NCLN: variants seen among roughly 807,000 people sequenced by gnomAD.
The protein encoded by NCLN is nicalin, also known as BOS complex subunit NCLN.
A neutral mutation model predicts 69.5 loss-of-function variants in NCLN; 34 were observed. The observed-to-expected ratio is 0.49, with a 90% CI of 0.37 to 0.65. The LOEUF is 0.65. Among genes scored for constraint, NCLN ranks in the 30% least tolerant of loss-of-function variants. The probability of loss-of-function intolerance (pLI) is 0.00; values close to 1 mark genes in which losing one functional copy is unlikely to be tolerated. For synonymous variants in NCLN, 393 were observed against 358.3 expected, an observed-to-expected ratio of 1.10 and a Z score of -1.09; for missense variants, 710 against 804.8, an observed-to-expected ratio of 0.88 and a Z score of 1.42.
At chr19:3,195,737 G>A (rs1915938139) in intron 3 of NCLN, among the ~76,000 whole-genome samples, 1 of 152,100 alleles carries the variant, frequency 6.6e-6, no homozygotes, top group Non-Finnish European at 1.5e-5. Context: ...GCTGCAGTGA[G>A]CCATGTTTGC....
intron 1 of NCLN, among the ~76,000 whole-genome samples, chr19:3,190,415 G>C (rs754256617): frequency 6.6e-6 from 1 of 151,962 alleles, no homozygotes. Context: ...CCTGTGTCCC[G>C]CCTGTCCCCC....
At position 3,198,915 on chromosome 19, in the gene NCLN, C is replaced by T. The variant is rs752557885; in HGVS notation, c.696+18C>T. 2.8e-6 allele frequency: 4 copies of T among 1,432,864 alleles called. No individual in the cohort carries two copies. Among genetic ancestry groups the T allele is most frequent in the South Asian group, 1.5e-5 (1 of 67,754 alleles). 88.8% of individuals were successfully genotyped at this position (1,432,864 alleles called of 1,614,324 possible). ...TGGCCCCCGTACGTATGTGTGTCCC[C>T]ATTCCCCCCACCCCACAGGGCTTGG... On this transcript the variant is annotated intron_variant, in intron 5 of 14. Transcript: ENST00000246117.
At chr19:3,201,502 T>A (rs1432552958) in intron 5 of NCLN, 21 bp from the exon 6 acceptor site, 2 of 1,532,524 alleles carry the variant, frequency 1.3e-6, no homozygotes, top group Non-Finnish European at 1.8e-6. Context: ...GACTGTGGCC[T>A]TGCCTCTCCC....
At chr19:3,193,811 G>A (rs988522167) in intron 3 of NCLN, among the ~76,000 whole-genome samples, 4 of 151,934 alleles carry the variant, frequency 2.6e-5, no homozygotes, top group Non-Finnish European at 5.9e-5. Flanking sequence ...GGCGGCGTGG[G>A]TGCGTCGGCG....
rs57510640 is a variant in NCLN, at chr19:3,207,643, C to G, written c.1647C>G (p.Leu549=). The change falls in exon 15 of 15, where the codon CTC becomes CTG. Residue 549 remains leucine, a synonymous_variant. Coordinates refer to ENST00000246117, the MANE Select transcript of NCLN (RefSeq NM_020170.4). The stretch of plus-strand genomic sequence containing the variant: ...TGTGTCCCCAGCACTTCAGCCTCCT[C>G]TACAAGACCGTCCAGAGGCTGCTCG... ...AYVAVQHFSL[L]YKTVQRLLVK... The G allele has an allele frequency of 1.2e-6, 2 of 1,612,900 alleles. No individual in the cohort carries two copies. Among genetic ancestry groups the G allele is most frequent in the Non-Finnish European group, 1.7e-6 (2 of 1,179,916 alleles).
rs914245910 is a variant in NCLN at position 3,209,543 on chromosome 19, A to C, written c.*1855A>C. 3 of 152,278 alleles carry C rather than the reference A, an allele frequency of 2.0e-5. No homozygotes were observed. Among genetic ancestry groups the C allele is most frequent in the African/African-American group, 7.2e-5 (3 of 41,448 alleles). 9.4% of individuals were successfully genotyped at this position (152,278 alleles called of 1,614,324 possible). A position where few individuals can be genotyped will look rare whatever the true frequency, so the allele number is the denominator to read the frequency against. On this transcript the variant is annotated 3_prime_UTR_variant, in exon 15 of 15. Coordinates refer to ENST00000246117, the MANE Select transcript of NCLN (RefSeq NM_020170.4). ...GGCTGGTGTGGGATGCAGCCGGCCG[A>C]TGAGAAAATAAAGCCATATTGAATG...
Position 3,208,214 on chromosome 19 carries a change from C to CCTGGGGTT in NCLN, c.*532_*539dup, listed in dbSNP as rs563504149. On this transcript the variant is annotated 3_prime_UTR_variant, in exon 15 of 15. Transcript: ENST00000246117. The stretch of plus-strand genomic sequence containing the variant: ...TTGCCTGGAGGAGGGCAGTGCCAGC[C>CCTGGGGTT]CTGGGGTTCTGGGATTCCAGCCCTC... 87 of 153,360 alleles carry CCTGGGGTT rather than the reference C, an allele frequency of 5.7e-4. No homozygotes were observed. The highest frequency in any genetic ancestry group is 1.0e-3 in the South Asian group (5 of 4,888). The allele number at this position is 153,360 out of a possible 1,614,324, so 9.5% of individuals were successfully genotyped here.
intron 6 of NCLN, among the ~76,000 whole-genome samples, chr19:3,202,241 G>C (rs1257230148): frequency 2.0e-5 from 3 of 152,176 alleles, no homozygotes; most frequent in Non-Finnish European, 4.4e-5. Context: ...TGAATCCCAG[G>C]AGCTGGGGTC....
chr19:3,186,302 C>T (rs973296540), intron 1 of NCLN, 88 bp downstream of exon 1: 5 of 1,322,698 alleles, frequency 3.8e-6, no homozygotes, highest in Admixed American at 7.6e-5. Flanking sequence ...ATCCCTAGCT[C>T]CGGCCTGGGC....
chr19:3,188,826 A>G (rs931569381), intron 1 of NCLN, among the ~76,000 whole-genome samples: 1 of 152,186 alleles, frequency 6.6e-6, no homozygotes, highest in Admixed American at 6.5e-5. Context: ...AGCACAGTCC[A>G]GCTCTCGCAG....
chr19:3,201,669 C>T (rs1275190623), intron 6 of NCLN, 43 bp downstream of exon 6: 24 of 1,359,064 alleles, frequency 1.8e-5, no homozygotes, highest in Non-Finnish European at 2.4e-5. Flanking sequence ...GCGGGGGCCA[C>T]ACTGCCGGAC....
At chr19:3,200,791 C>T (rs558478416) in intron 5 of NCLN, among the ~76,000 whole-genome samples, 2 of 152,158 alleles carry the variant, frequency 1.3e-5, no homozygotes, top group Admixed American at 6.5e-5. Flanking sequence ...CCCAGAACCC[C>T]AGCATGTGCG....
intron 9 of NCLN, 45 bp downstream of exon 9, chr19:3,204,796 G>A: frequency 7.2e-7 from 1 of 1,391,006 alleles, no homozygotes; most frequent in Non-Finnish European, 9.3e-7. Flanking sequence ...GGCTTTCCTG[G>A]GGGCTGAGCC....
intron 5 of NCLN, among the ~76,000 whole-genome samples, chr19:3,200,430 C>G (rs1435778354): frequency 2.7e-5 from 4 of 150,726 alleles, no homozygotes. Context: ...CCTGCCTCAA[C>G]CTCCGGAGTA....
In NCLN at chr19:3,192,497, A is replaced by G; in HGVS notation, c.212A>G (p.Glu71Gly). ...ACACGGAATGCAGTGCTGAACACGG[A>G]GGCGCGCACGATGGCGGCGGAGGTG... ...YGTRNAVLNT[E>G]ARTMAAEVLS... The change falls in exon 2 of 15, where the codon GAG (glutamate) becomes GGG (glycine). Residue 71 changes from glutamate (E) to glycine (G), a missense_variant. Transcript: ENST00000246117. The G allele has an allele frequency of 6.2e-7, 1 of 1,606,432 alleles. No homozygotes were observed. The highest frequency in any genetic ancestry group is 8.5e-7 in the Non-Finnish European group (1 of 1,177,740).
At chr19:3,199,537 C>G (rs1015273178) in intron 5 of NCLN, among the ~76,000 whole-genome samples, 1 of 152,154 alleles carries the variant, frequency 6.6e-6, no homozygotes, top group Non-Finnish European at 1.5e-5. Flanking sequence ...AGCTTTGGAC[C>G]CAGAGCCTGT....
intron 1 of NCLN, among the ~76,000 whole-genome samples, chr19:3,191,696 A>G (rs1915831948): frequency 6.6e-6 from 1 of 152,144 alleles, no homozygotes; most frequent in African/African-American, 2.4e-5. Context: ...ACACAGTCCC[A>G]CTTGTTGGCT....
intron 9 of NCLN, among the ~76,000 whole-genome samples, chr19:3,204,957 G>A (rs145275009): frequency 5.3e-5 from 8 of 152,338 alleles, no homozygotes; most frequent in Non-Finnish European, 1.2e-4. Context: ...GGCGAGGCCA[G>A]CAGCCTGAGG....
chr19:3,207,468 A>G lies in NCLN; in HGVS notation c.1631A>G (p.Gln544Arg). 6.2e-7 allele frequency: 1 copy of G among 1,612,800 alleles called. No homozygotes were observed. The highest frequency in any genetic ancestry group is 8.5e-7 in the Non-Finnish European group (1 of 1,179,934). The change falls in exon 14 of 15, where the codon CAG becomes CGG. Residue 544 changes from glutamine to arginine, a missense_variant and splice_region_variant. Transcript: ENST00000246117. Reference protein sequence around the residue: ...AYLGMAYVAVQHFSLLYKTVQ... With the variant: ...AYLGMAYVAVRHFSLLYKTVQ... Reference sequence around the variant, plus strand: ...CTCGGCATGGCCTACGTGGCTGTCCAGGTGAGCAGTGCCCAGGCTCAGGTG... The same window carrying G: ...CTCGGCATGGCCTACGTGGCTGTCCGGGTGAGCAGTGCCCAGGCTCAGGTG...
Sources: allele counts gnomAD v4.1 joint callset (sites outside exome capture counted in the v4.1 genomes callset), GRCh38; gene constraint gnomAD v4.1.1; transcripts MANE v1.5; gene names NCBI Gene and HGNC (gene_info 2026-07-23, HGNC 2026-07-21).